The following KAT6A variants were observed in gnomAD, a reference collection of about 807,000 sequenced individuals.
The protein encoded by KAT6A is lysine acetyltransferase 6A.
KAT6A carries 9 observed loss-of-function variants against 198.4 expected under a neutral mutation model. That is an observed-to-expected ratio of 0.05 (90% confidence interval 0.03 to 0.08). The LOEUF (loss-of-function observed/expected upper bound fraction) is 0.08, where lower values mean the gene tolerates loss of function less well. KAT6A is among the 10% of genes least tolerant of loss of function. KAT6A has a pLI of 1.00. For synonymous variants in KAT6A, 890 were observed against 883.0 expected (o/e 1.01, Z -0.14); for missense variants, 2,077 against 2,509.9 (o/e 0.83, Z 3.69).
At chr8:41,956,900 C>T in intron 8 of KAT6A, 1 of 392,474 alleles carries the variant, frequency 2.5e-6, no homozygotes, top group Non-Finnish European at 5.1e-6. Flanking sequence ...ACTACTCTAA[C>T]TCATAAAGTA....
At chr8:41,983,975 A>G (rs915882316) in intron 3 of KAT6A, among the ~76,000 whole-genome samples, 3 of 152,240 alleles carry the variant, frequency 2.0e-5, no homozygotes, top group Non-Finnish European at 4.4e-5. Flanking sequence ...AAATGTAAAC[A>G]TGTTCTTTAT....
chr8:41,995,700 G>C (rs1443070641), intron 2 of KAT6A, among the ~76,000 whole-genome samples: 2 of 132,872 alleles, frequency 1.5e-5, no homozygotes, highest in African/African-American at 5.8e-5. Flanking sequence ...TTTTGAGATG[G>C]AGTTTTGCTC....
At chr8:41,945,395 C>G (rs1171257603) in intron 12 of KAT6A, among the ~76,000 whole-genome samples, 3 of 151,794 alleles carry the variant, frequency 2.0e-5, no homozygotes, top group Non-Finnish European at 4.4e-5. Context: ...CTCAGCCTCC[C>G]AAGTAGCTGG....
intron 2 of KAT6A, among the ~76,000 whole-genome samples, chr8:42,019,656 C>A (rs12546563): frequency 0.1 from 15,935 of 152,060 alleles, 1,072 homozygotes; most frequent in East Asian, 0.24. Flanking sequence ...TATTCATTAC[C>A]CTAAATGATG....
chr8:41,958,388 G>A (rs763663563), intron 8 of KAT6A: 2 of 152,162 alleles, frequency 1.3e-5, no homozygotes, highest in Admixed American at 6.5e-5. Flanking sequence ...TAAGCCTCAG[G>A]TTAAGAGGCA....
chr8:42,014,925 G>A (rs749317734), intron 2 of KAT6A, among the ~76,000 whole-genome samples: 8 of 152,118 alleles, frequency 5.3e-5, no homozygotes, highest in Non-Finnish European at 8.8e-5. Flanking sequence ...TACAGGTTCA[G>A]GATTACGCTA....
In KAT6A at chr8:41,934,308, T is replaced by C; in HGVS notation, c.3912A>G (p.Ala1304=). 6.2e-7 allele frequency: 1 copy of C among 1,614,178 alleles called. No individual in the cohort carries two copies. Among genetic ancestry groups the C allele is most frequent in the Non-Finnish European group, 8.5e-7 (1 of 1,180,048 alleles). ...EEPEPEEEED[A]AAETAQNDDH... is the part of the protein sequence containing the mutation. Reference sequence around the variant, plus strand: ...CGTCATTCTGGGCAGTCTCTGCAGCTGCATCTTCCTCCTCCTCTGGCTCTG... The same window carrying C: ...CGTCATTCTGGGCAGTCTCTGCAGCCGCATCTTCCTCCTCCTCTGGCTCTG... Residue 1304 remains alanine (A), a synonymous_variant, in exon 17 of 17, where the codon GCA becomes GCG. Transcript: ENST00000265713.
chr8:41,935,766 G>A (rs1413109257), intron 16 of KAT6A, among the ~76,000 whole-genome samples: 1 of 152,122 alleles, frequency 6.6e-6, no homozygotes, highest in Non-Finnish European at 1.5e-5. Context: ...GGAAATGGCT[G>A]CATCAGCAAA....
In KAT6A at chr8:42,037,661, A is replaced by C. The variant is rs945409997; in HGVS notation, c.600+10717T>G. Among the ~76,000 whole-genome samples the C allele has an allele frequency of 2.6e-5, 4 of 151,714 alleles. No individual in the cohort carries two copies. In the South Asian group the frequency reaches 6.3e-4, roughly 24 times the overall value. On this transcript the variant is annotated intron_variant, in intron 2 of 16. Coordinates refer to ENST00000265713, the MANE Select transcript of KAT6A (RefSeq NM_006766.5). ...CTACATAAAAGGTAAACGGCAAAAG[A>C]AGCAACTATCTTCTTTAACACATTG...
chr8:42,033,504 G>A (rs767577987), intron 2 of KAT6A, among the ~76,000 whole-genome samples: 1 of 152,252 alleles, frequency 6.6e-6, no homozygotes, highest in East Asian at 1.9e-4. Context: ...CAGTTACTAT[G>A]TGCATACAAT....
Position 41,937,322 on chromosome 8 carries a change from A to T in KAT6A, c.3286T>A (p.Cys1096Ser), listed in dbSNP as rs565189546. ...RRLSSQDVLR[C>S]QSSSKRKSKD... is the part of the protein sequence containing the mutation. Reference sequence around the variant, plus strand: ...GACTTCCTCTTAGAAGAGGACTGACACCTGAGTACATCCTGCGAAGACAAA... The same window carrying T: ...GACTTCCTCTTAGAAGAGGACTGACTCCTGAGTACATCCTGCGAAGACAAA... The change falls in exon 16 of 17, where the codon TGT (cysteine) becomes AGT (serine). Residue 1096 changes from cysteine to serine, a missense_variant. Coordinates refer to ENST00000265713, the MANE Select transcript of KAT6A (RefSeq NM_006766.5). 13 of 1,614,120 alleles carry T rather than the reference A, an allele frequency of 8.1e-6. No homozygotes were observed. Among genetic ancestry groups the T allele is most frequent in the Non-Finnish European group, 1.1e-5 (13 of 1,179,984 alleles).
At chr8:41,934,888 A>T in intron 16 of KAT6A, 21 bp from the exon 17 acceptor site, 1 of 1,557,400 alleles carries the variant, frequency 6.4e-7, no homozygotes, top group Non-Finnish European at 8.7e-7. Context: ...AGGAAAAAAA[A>T]CAAAGACAGG....
At chr8:42,033,614 G>A (rs937026436) in intron 2 of KAT6A, among the ~76,000 whole-genome samples, 1 of 152,008 alleles carries the variant, frequency 6.6e-6, no homozygotes, top group Non-Finnish European at 1.5e-5. Context: ...CTTCACATGT[G>A]ACTTCCTCTG....
intron 8 of KAT6A, among the ~76,000 whole-genome samples, chr8:41,965,552 C>T (rs1347186093): frequency 2.0e-5 from 3 of 152,174 alleles, no homozygotes; most frequent in African/African-American, 7.2e-5. Flanking sequence ...CTTCAAACCA[C>T]TTTTTTTATT....
intron 2 of KAT6A, among the ~76,000 whole-genome samples, chr8:42,024,760 T>C (rs1175135256): frequency 6.6e-6 from 1 of 152,078 alleles, no homozygotes; most frequent in Non-Finnish European, 1.5e-5. Flanking sequence ...AATGATAGAG[T>C]TTCATTCTTT....
chr8:42,046,241 A>G (rs1051154011), intron 2 of KAT6A, among the ~76,000 whole-genome samples: 2 of 152,162 alleles, frequency 1.3e-5, no homozygotes, highest in Admixed American at 1.3e-4. Context: ...AATTACAATA[A>G]AAGCAAACAA....
chr8:42,002,356 AAAAC>A (rs1825537484), intron 2 of KAT6A, among the ~76,000 whole-genome samples: 1 of 152,162 alleles, frequency 6.6e-6, no homozygotes, highest in Non-Finnish European at 1.5e-5. Context: ...AAAACAAAAC[AAAAC>A]AATCAGCCTG....
intron 7 of KAT6A, 60 bp downstream of exon 7, chr8:41,976,948 T>C: frequency 1.5e-6 from 2 of 1,305,254 alleles, no homozygotes; most frequent in South Asian, 2.9e-5. Flanking sequence ...TAATTAGTGT[T>C]ATCCCGAATA....
chr8:41,947,755 G>C lies in KAT6A; in HGVS notation c.1898C>G (p.Ser633Cys). ...ACTTTAAGCTGACATACTTACCTTAGAAAAGTAGCCAACAAGGTGGCAGCC... is the reference window on the plus strand; with the variant it reads ...ACTTTAAGCTGACATACTTACCTTACAAAAGTAGCCAACAAGGTGGCAGCC... ...VKGCHLVGYF[S>C]KEKHCQQKYN... The change falls in exon 11 of 17, where the codon TCT becomes TGT. Residue 633 changes from serine to cysteine, a missense_variant. Physicochemically the swap from Ser to Cys is moderately radical, Grantham distance 112 (BLOSUM62 -1). Transcript: ENST00000265713. 1 of 1,589,226 alleles carries C rather than the reference G, an allele frequency of 6.3e-7. No individual in the cohort carries two copies. The highest frequency in any genetic ancestry group is 8.5e-7 in the Non-Finnish European group (1 of 1,173,664).
Sources: allele counts gnomAD v4.1 joint callset (sites outside exome capture counted in the v4.1 genomes callset), GRCh38; gene constraint gnomAD v4.1.1; transcripts MANE v1.5; gene names NCBI Gene and HGNC (gene_info 2026-07-23, HGNC 2026-07-21).